CEP152: variants seen among roughly 807,000 people sequenced by gnomAD.
CEP152 encodes the protein centrosomal protein of 152 kDa.
Under a neutral mutation model 188.9 loss-of-function variants are expected in CEP152, and 132 were observed. The observed-to-expected ratio is 0.70, with a 90% CI of 0.61 to 0.81. The LOEUF (loss-of-function observed/expected upper bound fraction) is 0.81, where lower values mean the gene tolerates loss of function less well. CEP152 is among the 30% of genes least tolerant of loss of function. CEP152 has a pLI of 0.00. For synonymous variants in CEP152, 649 were observed against 666.6 expected, an observed-to-expected ratio of 0.97 and a Z score of 0.41; for missense variants, 1,914 against 1,969.8, an observed-to-expected ratio of 0.97 and a Z score of 0.54.
At chr15:48,755,841 T>G (rs1205396513) in intron 20 of CEP152, 62 bp downstream of exon 20, 1 of 1,605,640 alleles carries the variant, frequency 6.2e-7, no homozygotes, top group Non-Finnish European at 8.5e-7. Context: ...GAAAAAACAC[T>G]ATATACAACT....
At chr15:48,772,116 A>G (rs1360676515) in intron 13 of CEP152, among the ~76,000 whole-genome samples, 1 of 152,222 alleles carries the variant, frequency 6.6e-6, no homozygotes, top group African/African-American at 2.4e-5. Context: ...TATTAATTTA[A>G]AAACATGTAA....
chr15:48,766,953 G>A lies in CEP152; in HGVS notation c.2280+107C>T. ...ACAGCCAAAAGTAAAGAGAACATATGAATACCTTCTCCATTCACTTCTCTA... is the reference window on the plus strand; with the variant it reads ...ACAGCCAAAAGTAAAGAGAACATATAAATACCTTCTCCATTCACTTCTCTA... On this transcript the variant is annotated intron_variant, in intron 17 of 26. Transcript: ENST00000380950. 3 of 1,415,626 alleles carry A rather than the reference G, an allele frequency of 2.1e-6. No individual in the cohort carries two copies. In the South Asian group the frequency reaches 3.5e-5, roughly 16 times the overall value. The allele number at this position is 1,415,626 out of a possible 1,614,324, so 87.7% of individuals were successfully genotyped here.
downstream of CEP152, among the ~76,000 whole-genome samples, chr15:48,735,569 T>C (rs1892567200): frequency 1.3e-5 from 2 of 152,206 alleles, no homozygotes; most frequent in Middle Eastern, 3.4e-3. Flanking sequence ...ACGATGTCTC[T>C]ACTAAAAATA....
intron 9 of CEP152, among the ~76,000 whole-genome samples, chr15:48,787,239 C>T (rs978050227): frequency 5.8e-5 from 8 of 136,910 alleles, no homozygotes; most frequent in Non-Finnish European, 1.1e-4. Context: ...GCAATCATGG[C>T]TCACTGCAGC....
At chr15:48,739,938 C>T (rs1372795983) in intron 26 of CEP152, among the ~76,000 whole-genome samples, 1 of 152,124 alleles carries the variant, frequency 6.6e-6, no homozygotes, top group Non-Finnish European at 1.5e-5. Flanking sequence ...ACCTAAGGTT[C>T]ACATCACCAT....
At position 48,762,552 on chromosome 15, in the gene CEP152, T is replaced by C. The variant is rs753321982; in HGVS notation, c.2401A>G (p.Ser801Gly). 6.2e-7 allele frequency: 1 copy of C among 1,613,986 alleles called. No individual in the cohort carries two copies. Among genetic ancestry groups the C allele is most frequent in the South Asian group, 1.1e-5 (1 of 91,084 alleles). The change falls in exon 18 of 27, where the codon AGT becomes GGT. Residue 801 changes from serine to glycine, a missense_variant. Ser to Gly is a moderately conservative substitution (Grantham distance 56, BLOSUM62 0). Transcript: ENST00000380950. ...CGSQTDQVTTSDVISKKEMAI... is the reference protein window; with the variant it reads ...CGSQTDQVTTGDVISKKEMAI... ...ATCTCTTTCTTGGAAATAACATCACTGGTGGTTACTTGGTCAGTTTGGCTG... is the reference window on the plus strand; with the variant it reads ...ATCTCTTTCTTGGAAATAACATCACCGGTGGTTACTTGGTCAGTTTGGCTG...
At chr15:48,729,484 T>C (rs1347989249) in intron 2 of CEP152, 2 of 152,162 alleles carry the variant, frequency 1.3e-5, no homozygotes, top group Non-Finnish European at 2.9e-5. Context: ...CTCGGTTCAG[T>C]TGCAGTGATT....
At chr15:48,754,749 A>G (rs151001332) in intron 20 of CEP152, among the ~76,000 whole-genome samples, 4 of 152,346 alleles carry the variant, frequency 2.6e-5, no homozygotes, top group African/African-American at 9.6e-5. Flanking sequence ...AAGCTGTGCC[A>G]TGCATATCCT....
At chr15:48,735,180 T>C (rs1459161629), downstream of CEP152, among the ~76,000 whole-genome samples, 2 of 152,122 alleles carry the variant, frequency 1.3e-5, no homozygotes, top group African/African-American at 4.8e-5. Flanking sequence ...TGAAAACAAG[T>C]AAATTAAAAA....
At chr15:48,808,783 T>TAGTAAA (rs1364195796) in intron 1 of CEP152, among the ~76,000 whole-genome samples, 1 of 152,218 alleles carries the variant, frequency 6.6e-6, no homozygotes, top group East Asian at 1.9e-4. Flanking sequence ...ACATTTACAC[T>TAGTAAA]AGTAAAATTA....
intron 13 of CEP152, among the ~76,000 whole-genome samples, chr15:48,770,743 G>A (rs1387173562): frequency 6.6e-6 from 1 of 152,176 alleles, no homozygotes; most frequent in African/African-American, 2.4e-5. Flanking sequence ...AGGGCGGGGA[G>A]GAGTCTCTCT....
intron 2 of CEP152, among the ~76,000 whole-genome samples, chr15:48,802,851 G>A (rs1044734193): frequency 7.9e-5 from 12 of 152,226 alleles, no homozygotes; most frequent in Non-Finnish European, 1.3e-4. Context: ...ATGGCATGAA[G>A]GTTGGAATGG....
rs781724787 is a variant in CEP152, at chr15:48,745,008, T to G, written c.3635-16A>C. On this transcript the variant is annotated splice_polypyrimidine_tract_variant and intron_variant, in intron 22 of 26. Coordinates refer to ENST00000380950, the MANE Select transcript of CEP152 (RefSeq NM_001194998.2). ...TTATTCTCTTCTATAACAGAAAGTT[T>G]ATAGTATATTAGACAGTTAAAAATT... The G allele has an allele frequency of 6.4e-7, 1 of 1,567,804 alleles. No individual in the cohort carries two copies. The highest frequency in any genetic ancestry group is 1.2e-5 in the South Asian group (1 of 85,734).
chr15:48,733,929 T>C (rs1231339684), downstream of CEP152, among the ~76,000 whole-genome samples: 3 of 152,008 alleles, frequency 2.0e-5, no homozygotes, highest in African/African-American at 7.2e-5. Context: ...TATATAAATT[T>C]GAAATATATT....
At chr15:48,750,059 C>T (rs1893762216) in intron 21 of CEP152, among the ~76,000 whole-genome samples, 1 of 152,024 alleles carries the variant, frequency 6.6e-6, no homozygotes, top group Non-Finnish European at 1.5e-5. Flanking sequence ...TTCACATACA[C>T]ATATATACAT....
At chr15:48,743,661 G>A (rs1006988838) in intron 24 of CEP152, among the ~76,000 whole-genome samples, 6 of 152,222 alleles carry the variant, frequency 3.9e-5, no homozygotes, top group African/African-American at 1.2e-4. Context: ...TCAGGAGTTC[G>A]AGATCAGCCT....
chr15:48,778,400 T>C (rs1896049936), intron 12 of CEP152, among the ~76,000 whole-genome samples: 1 of 152,166 alleles, frequency 6.6e-6, no homozygotes, highest in African/African-American at 2.4e-5. Flanking sequence ...TCCTTTGAAT[T>C]TGATCTGAGT....
intron 2 of CEP152, 55 bp from the exon 3 acceptor site, chr15:48,798,106 C>A (rs1177893291): frequency 1.4e-6 from 2 of 1,416,056 alleles, no homozygotes; most frequent in Non-Finnish European, 2.0e-6. Flanking sequence ...AGACACCAAG[C>A]CAAAGCTGCC....
intron 13 of CEP152, among the ~76,000 whole-genome samples, chr15:48,769,368 T>A (rs1895367761): frequency 6.6e-6 from 1 of 152,230 alleles, no homozygotes; most frequent in Non-Finnish European, 1.5e-5. Context: ...CATTTAGTTG[T>A]CATGTTTCAT....
Sources: gnomAD v4.1 joint callset for allele counts (sites outside exome capture counted in the v4.1 genomes callset) on GRCh38, gnomAD v4.1.1 for gene constraint, MANE v1.5 for transcripts, NCBI Gene and HGNC (gene_info 2026-07-23, HGNC 2026-07-21) for gene names.